AGMO: variants seen among roughly 807,000 people sequenced by gnomAD.
The protein encoded by AGMO is alkylglycerol monooxygenase.
A neutral mutation model predicts 60.2 loss-of-function variants in AGMO; 75 were observed. The ratio of observed to expected loss-of-function variants is 1.25; its 90% CI spans 1.03 to 1.51. The LOEUF is 1.51. AGMO is among the 40% of genes most tolerant of loss of function. The pLI, the probability that AGMO is intolerant of heterozygous loss-of-function variation, is 0.00. For synonymous variants in AGMO, 261 were observed against 177.1 expected, an observed-to-expected ratio of 1.47 and a Z score of -3.76; for missense variants, 763 against 525.5, an observed-to-expected ratio of 1.45 and a Z score of -4.42.
chr7:15,392,798 C>CAAAA (rs200843624), intron 6 of AGMO, among the ~76,000 whole-genome samples: 82 of 107,030 alleles, frequency 7.7e-4, no homozygotes, highest in African/African-American at 1.5e-3. Flanking sequence ...GACTCTGTCT[C>CAAAA]AAAACAAACA....
intron 9 of AGMO, among the ~76,000 whole-genome samples, chr7:15,387,155 C>G (rs1783950187): frequency 6.6e-6 from 1 of 152,142 alleles, no homozygotes; most frequent in Non-Finnish European, 1.5e-5. Flanking sequence ...ATATGAAAAC[C>G]AGCCTCTGCA....
intron 12 of AGMO, among the ~76,000 whole-genome samples, chr7:15,315,328 CTTTTTTTTTTTTT>C (rs1178276622): frequency 1.2e-4 from 6 of 48,198 alleles, no homozygotes; most frequent in South Asian, 1.9e-3. Flanking sequence ...TGGATATTTG[CTTTTTTTTTTTTT>C]TTTTTTTTTT....
intron 12 of AGMO, among the ~76,000 whole-genome samples, chr7:15,310,532 A>C (rs564589492): frequency 3.3e-5 from 5 of 152,176 alleles, no homozygotes; most frequent in Non-Finnish European, 7.3e-5. Context: ...TTATTTTCCT[A>C]TATCATGTTA....
Position 15,407,486 on chromosome 7 carries a change from C to T in AGMO, c.609+11072G>A, listed in dbSNP as rs943974335. On this transcript the variant is annotated intron_variant, in intron 5 of 12. Transcript: ENST00000342526. ...GATGTTGACTTCAGAGAAATGGAAGCAAAGTAGAAGAGTAGATGACTTAAG... is the reference window on the plus strand; with the variant it reads ...GATGTTGACTTCAGAGAAATGGAAGTAAAGTAGAAGAGTAGATGACTTAAG... Among the ~76,000 whole-genome samples, 3 of 151,048 alleles carry T rather than the reference C, an allele frequency of 2.0e-5. No individual in the cohort carries two copies. In the Admixed American group the frequency reaches 2.0e-4, roughly 10 times the overall value.
intron 5 of AGMO, among the ~76,000 whole-genome samples, chr7:15,417,094 T>G (rs1307033963): frequency 3.3e-5 from 5 of 152,212 alleles, no homozygotes; most frequent in African/African-American, 1.2e-4. Context: ...TAATACAATT[T>G]AAAATTCCAA....
the AGMO span, among the ~76,000 whole-genome samples, chr7:15,135,123 G>A: frequency 1.3e-5 from 2 of 150,832 alleles, no homozygotes; most frequent in Non-Finnish European, 3.0e-5. Flanking sequence ...TATAAGTGGA[G>A]AACAATAACA....
chr7:15,379,564 A>G (rs1227056302), intron 10 of AGMO, among the ~76,000 whole-genome samples: 2 of 152,102 alleles, frequency 1.3e-5, no homozygotes, highest in African/African-American at 4.8e-5. Flanking sequence ...AAGATATTAA[A>G]ACCCTAAAGA....
At chr7:15,388,178 T>C (rs980113955) in intron 8 of AGMO, among the ~76,000 whole-genome samples, 2 of 152,204 alleles carry the variant, frequency 1.3e-5, no homozygotes, top group Non-Finnish European at 2.9e-5. Context: ...TAAAAAATAA[T>C]TTAAAATTGC....
chr7:15,131,527 T>C, the AGMO span, among the ~76,000 whole-genome samples: 1 of 152,068 alleles, frequency 6.6e-6, no homozygotes, highest in South Asian at 2.1e-4. Flanking sequence ...GCCTAGACTA[T>C]GGCACAAGTT....
chr7:15,168,416 C>T, the AGMO span, among the ~76,000 whole-genome samples: 1 of 152,194 alleles, frequency 6.6e-6, no homozygotes, highest in African/African-American at 2.4e-5. Flanking sequence ...CAAAAGCATT[C>T]ATGAGGCCCT....
chr7:15,241,458 T>G (rs1782583741), intron 12 of AGMO, among the ~76,000 whole-genome samples: 1 of 11,194 alleles, frequency 8.9e-5, no homozygotes, highest in Non-Finnish European at 1.6e-4. Flanking sequence ...AGACTCCGTC[T>G]CAAAAAAAAA....
chr7:15,531,480 A>C (rs1369742204), intron 3 of AGMO, among the ~76,000 whole-genome samples: 1 of 47,312 alleles, frequency 2.1e-5, no homozygotes, highest in South Asian at 6.3e-4. Context: ...TATATTCTCT[A>C]TATATATTCT....
chr7:15,555,270 C>CATATAT (rs375890408), intron 2 of AGMO, among the ~76,000 whole-genome samples: 59 of 114,026 alleles, frequency 5.2e-4, no homozygotes, highest in African/African-American at 1.3e-3. Flanking sequence ...TGTATTGGAT[C>CATATAT]ATATATATAT....
intron 3 of AGMO, among the ~76,000 whole-genome samples, chr7:15,513,497 C>A (rs1430140340): frequency 1.3e-5 from 2 of 151,952 alleles, no homozygotes; most frequent in African/African-American, 4.8e-5. Flanking sequence ...AACTTTTTGA[C>A]CCTTACCTTT....
At chr7:15,487,464 T>C (rs12699722) in intron 3 of AGMO, among the ~76,000 whole-genome samples, 88,746 of 151,904 alleles carry the variant, frequency 0.58, 28,394 homozygotes, top group East Asian at 0.96. Context: ...AAGATTACAA[T>C]TGCACTTTCA....
At chr7:15,416,917 C>A (rs1260993417) in intron 5 of AGMO, among the ~76,000 whole-genome samples, 1 of 152,112 alleles carries the variant, frequency 6.6e-6, no homozygotes, top group East Asian at 1.9e-4. Context: ...CCACTCCAGT[C>A]CTCTATTCCA....
At chr7:15,150,477 C>G in the AGMO span, among the ~76,000 whole-genome samples, 19 of 152,088 alleles carry the variant, frequency 1.2e-4, no homozygotes, top group African/African-American at 4.3e-4. Flanking sequence ...AGGTATGTTC[C>G]TTCAATGGCT....
chr7:15,458,915 A>G (rs113951241), intron 3 of AGMO, among the ~76,000 whole-genome samples: 101 of 152,286 alleles, frequency 6.6e-4, no homozygotes, highest in African/African-American at 2.3e-3. Context: ...TTCAGCTTAC[A>G]TTAGTTATTT....
chr7:15,422,849 C>T (rs1780963046), intron 4 of AGMO, among the ~76,000 whole-genome samples: 1 of 152,016 alleles, frequency 6.6e-6, no homozygotes, highest in Non-Finnish European at 1.5e-5. Context: ...TTACTCATGG[C>T]CTGAAGATTT....
Sources: gnomAD v4.1 joint callset for allele counts (sites outside exome capture counted in the v4.1 genomes callset) on GRCh38, gnomAD v4.1.1 for gene constraint, MANE v1.5 for transcripts, NCBI Gene and HGNC (gene_info 2026-07-23, HGNC 2026-07-21) for gene names.